The following GPR149 variants were observed in gnomAD, a reference collection of about 807,000 sequenced individuals.
GPR149 encodes the protein G protein-coupled receptor 149.
In GPR149, 50 loss-of-function variants were observed where a neutral mutation model predicts 50.2. That is an observed-to-expected ratio of 1.00 (90% CI 0.79 to 1.26). The LOEUF (loss-of-function observed/expected upper bound fraction) is 1.26, where lower values mean the gene tolerates loss of function less well. Ranked by LOEUF, GPR149 falls within the 50% of genes most tolerant of loss-of-function variation. GPR149 has a pLI of 0.00. For synonymous variants in GPR149, 405 were observed against 358.2 expected, an observed-to-expected ratio of 1.13 and a Z score of -1.48; for missense variants, 983 against 895.4, an observed-to-expected ratio of 1.10 and a Z score of -1.25.
rs1402540351 is a variant in GPR149 at position 154,359,043 on chromosome 3, G to GA, written c.1624-20773dup. Among the ~76,000 whole-genome samples the GA allele has an allele frequency of 2.0e-5, 3 of 151,742 alleles. No homozygotes were observed. The East Asian group carries it at 5.8e-4, about 29-fold the overall frequency. On this transcript the variant is annotated intron_variant, in intron 3 of 3. Coordinates refer to ENST00000389740, the MANE Select transcript of GPR149 (RefSeq NM_001038705.3). ...TAACTTTAATAATTTTAACCCTTGT[G>GA]AAAAAAATCGTTTAACTCCATAGAG...
chr3:154,402,520 A>ATCCTTGAAAGTTTCAAAGT (rs1711572750), intron 3 of GPR149, among the ~76,000 whole-genome samples: 1 of 152,098 alleles, frequency 6.6e-6, no homozygotes, highest in Admixed American at 6.6e-5. Flanking sequence ...AGTTTCAAAG[A>ATCCTTGAAAGTTTCAAAGT]TCCATGAAAG....
rs1043041975 is a variant in GPR149, at chr3:154,354,085, T to G, written c.1624-15814A>C. 4 of 468,038 alleles carry G rather than the reference T, an allele frequency of 8.5e-6. No individual in the cohort carries two copies. The Admixed American group carries it at 1.2e-4, about 15-fold the overall frequency. 29.0% of individuals were successfully genotyped at this position (468,038 alleles called of 1,614,324 possible). Reference sequence around the variant, plus strand: ...TCCTATGAGATTTAGAGAATTTATCTGAAAGTCTACAAATCCTTCTTCAGT... The same window carrying G: ...TCCTATGAGATTTAGAGAATTTATCGGAAAGTCTACAAATCCTTCTTCAGT... On this transcript the variant is annotated intron_variant, in intron 3 of 3. Coordinates refer to ENST00000389740, the MANE Select transcript of GPR149 (RefSeq NM_001038705.3).
At position 154,429,928 on chromosome 3, in the gene GPR149, C is replaced by A. The variant is rs1712438687; in HGVS notation, c.-313G>T. Among the ~76,000 whole-genome samples, 2 of 151,526 alleles carry A rather than the reference C, an allele frequency of 1.3e-5. No individual in the cohort carries two copies. ...CAGGGAAGAAAGCCAAAAAAATAAA[C>A]AAAACAAAACTCTTCAGGTACATTA... On this transcript the variant is annotated 5_prime_UTR_variant, in exon 1 of 4. Coordinates refer to ENST00000389740, the MANE Select transcript of GPR149 (RefSeq NM_001038705.3).
At chr3:154,404,996 C>T (rs1711646025) in intron 3 of GPR149, among the ~76,000 whole-genome samples, 1 of 152,114 alleles carries the variant, frequency 6.6e-6, no homozygotes, top group Non-Finnish European at 1.5e-5. Flanking sequence ...GAATGCTTAC[C>T]ACCTCCTCCA....
chr3:154,340,615 T>C (rs774469429), intron 3 of GPR149, among the ~76,000 whole-genome samples: 10 of 152,214 alleles, frequency 6.6e-5, no homozygotes, highest in Non-Finnish European at 1.2e-4. Context: ...TGAGAGATAG[T>C]TACCAAGTTC....
intron 2 of GPR149, among the ~76,000 whole-genome samples, chr3:154,422,320 ATTT>A (rs1712169842): frequency 1.3e-5 from 2 of 151,658 alleles, no homozygotes; most frequent in African/African-American, 4.8e-5. Context: ...AAGTGATACA[ATTT>A]TTATGTTGAA....
At chr3:154,353,018 A>C (rs1446313725) in intron 3 of GPR149, 14 of 1,338,568 alleles carry the variant, frequency 1.0e-5, no homozygotes, top group Non-Finnish European at 1.5e-5. Context: ...CCAAAACTTT[A>C]AAACTATCTT....
intron 3 of GPR149, among the ~76,000 whole-genome samples, chr3:154,386,768 T>C (rs1380079842): frequency 6.6e-6 from 1 of 152,244 alleles, no homozygotes; most frequent in Non-Finnish European, 1.5e-5. Context: ...AATTCTCATA[T>C]AGCTGATGTT....
At chr3:154,378,246 CTTATTA>C (rs200752882) in intron 3 of GPR149, among the ~76,000 whole-genome samples, 1 of 151,674 alleles carries the variant, frequency 6.6e-6, no homozygotes, top group African/African-American at 2.4e-5. Context: ...CCACACCTGG[CTTATTA>C]TTATTATTAT....
chr3:154,406,807 G>C (rs935910400), intron 3 of GPR149, among the ~76,000 whole-genome samples: 1 of 152,132 alleles, frequency 6.6e-6, no homozygotes, highest in Non-Finnish European at 1.5e-5. Context: ...AATCAGGGAA[G>C]AAAAATGAAT....
intron 3 of GPR149, among the ~76,000 whole-genome samples, chr3:154,378,231 C>T (rs1393618912): frequency 2.8e-4 from 42 of 151,792 alleles, no homozygotes; most frequent in Admixed American, 2.8e-3. Flanking sequence ...TACATGTGTG[C>T]ACCACCACAC....
At chr3:154,413,233 T>C (rs545447185) in intron 3 of GPR149, among the ~76,000 whole-genome samples, 14 of 152,154 alleles carry the variant, frequency 9.2e-5, no homozygotes, top group Admixed American at 7.2e-4. Flanking sequence ...CTTCTAGACA[T>C]TGGGTTAGGC....
chr3:154,392,985 G>C (rs1428332906), intron 3 of GPR149, among the ~76,000 whole-genome samples: 2 of 151,936 alleles, frequency 1.3e-5, no homozygotes, highest in Non-Finnish European at 1.5e-5. Context: ...GGCTTCAATA[G>C]TGAATTTGAA....
At chr3:154,419,161 C>T (rs894018982) in intron 3 of GPR149, among the ~76,000 whole-genome samples, 56 of 151,926 alleles carry the variant, frequency 3.7e-4, no homozygotes, top group Admixed American at 1.4e-3. Context: ...GTTTAAATAT[C>T]TATATTTAAC....
intron 3 of GPR149, among the ~76,000 whole-genome samples, chr3:154,346,615 T>C (rs1451237013): frequency 6.6e-6 from 1 of 151,956 alleles, no homozygotes; most frequent in Admixed American, 6.6e-5. Context: ...TCTTTTTTTT[T>C]TTTGAGATGG....
At chr3:154,420,547 A>G (rs73872861) in intron 3 of GPR149, among the ~76,000 whole-genome samples, 2,012 of 152,024 alleles carry the variant, frequency 0.013, 33 homozygotes, top group African/African-American at 0.046. Flanking sequence ...TACTGGAGGG[A>G]TTAGTTCTAG....
chr3:154,402,921 T>C (rs564382000), intron 3 of GPR149, among the ~76,000 whole-genome samples: 1 of 151,166 alleles, frequency 6.6e-6, no homozygotes, highest in Non-Finnish European at 1.5e-5. Flanking sequence ...ATGTTAGTAT[T>C]CCATTAAAGC....
chr3:154,364,785 G>A lies in GPR149; in HGVS notation c.1624-26514C>T, dbSNP rs946799924. 2.0e-5 allele frequency among the ~76,000 whole-genome samples: 3 copies of A among 152,350 alleles called. No homozygotes were observed. The South Asian group carries it at 6.2e-4, about 32-fold the overall frequency. ...GGATCCCACCCCCATGGCTTTGCTG[G>A]ATGCTGCTCATGCAGCAGTTCTCAT... On this transcript the variant is annotated intron_variant, in intron 3 of 3. Coordinates refer to ENST00000389740, the MANE Select transcript of GPR149 (RefSeq NM_001038705.3).
chr3:154,423,448 G>A (rs1347394350), intron 2 of GPR149, among the ~76,000 whole-genome samples: 2 of 151,828 alleles, frequency 1.3e-5, no homozygotes, highest in Non-Finnish European at 3.0e-5. Context: ...GTTAATGGAA[G>A]CAGAATTACA....
Sources: gnomAD v4.1 joint callset for allele counts (sites outside exome capture counted in the v4.1 genomes callset) on GRCh38, gnomAD v4.1.1 for gene constraint, MANE v1.5 for transcripts, NCBI Gene and HGNC (gene_info 2026-07-23, HGNC 2026-07-21) for gene names.